The following NEDD4L variants were observed in gnomAD, a reference collection of about 807,000 sequenced individuals.
NEDD4L encodes NEDD4 like E3 ubiquitin protein ligase.
Under a neutral mutation model 148.9 loss-of-function variants are expected in NEDD4L, and 54 were observed. The ratio of observed to expected loss-of-function variants is 0.36; its 90% CI spans 0.29 to 0.45. The LOEUF (loss-of-function observed/expected upper bound fraction) is 0.45, where lower values mean the gene tolerates loss of function less well. NEDD4L is among the 20% of genes least tolerant of loss of function. NEDD4L has a pLI of 1.00. For missense variants in NEDD4L, 856 were observed against 1,233.8 expected (o/e 0.69, Z 4.59); for synonymous variants, 433 against 440.7 (o/e 0.98, Z 0.22).
intron 1 of NEDD4L, among the ~76,000 whole-genome samples, chr18:58,083,365 C>G (rs1011341464): frequency 2.0e-5 from 3 of 152,070 alleles, no homozygotes; most frequent in Non-Finnish European, 4.4e-5. Flanking sequence ...GGAAGTAAGA[C>G]TTTAAATTTA....
At chr18:58,070,813 G>A (rs1050469658) in intron 1 of NEDD4L, among the ~76,000 whole-genome samples, 5 of 131,680 alleles carry the variant, frequency 3.8e-5, no homozygotes, top group Non-Finnish European at 7.7e-5. Context: ...ACTAAACTAA[G>A]AGTCTTCAGT....
At chr18:58,209,108 A>G (rs901361954) in intron 2 of NEDD4L, among the ~76,000 whole-genome samples, 2 of 150,870 alleles carry the variant, frequency 1.3e-5, no homozygotes, top group Non-Finnish European at 3.0e-5. Flanking sequence ...GAAAGATAAT[A>G]GATAAGAGAT....
At chr18:58,100,031 A>G (rs1599267504) in intron 1 of NEDD4L, among the ~76,000 whole-genome samples, 1 of 152,098 alleles carries the variant, frequency 6.6e-6, no homozygotes, top group South Asian at 2.1e-4. Context: ...GATTTCAAGG[A>G]CTCCTGAAGC....
At chr18:58,284,043 A>G (rs957695946) in intron 5 of NEDD4L, among the ~76,000 whole-genome samples, 3 of 152,222 alleles carry the variant, frequency 2.0e-5, no homozygotes, top group African/African-American at 7.2e-5. Context: ...AGGGGAGACC[A>G]TGGAATCTCC....
chr18:58,349,601 T>G lies in NEDD4L; in HGVS notation c.1640T>G (p.Leu547Arg). ...RSKTSLNPND[L>R]GPLPPGWEER... ...AAGACATCTTTAAACCCCAATGACCTTGGCCCCCTTCCTGTGAGTACACTG... is the reference window on the plus strand; with the variant it reads ...AAGACATCTTTAAACCCCAATGACCGTGGCCCCCTTCCTGTGAGTACACTG... Residue 547 changes from leucine (L) to arginine (R), a missense_variant, in exon 17 of 31, where the codon CTT (leucine) becomes CGT (arginine). By Grantham distance (102) the Leu-to-Arg change is moderately radical. Coordinates refer to ENST00000400345, the MANE Select transcript of NEDD4L (RefSeq NM_001144967.3). The G allele has an allele frequency of 6.2e-7, 1 of 1,613,734 alleles. No homozygotes were observed. The highest frequency in any genetic ancestry group is 8.5e-7 in the Non-Finnish European group (1 of 1,179,616).
intron 1 of NEDD4L, among the ~76,000 whole-genome samples, chr18:58,109,577 T>TTG (rs2085292618): frequency 6.8e-6 from 1 of 147,598 alleles, no homozygotes; most frequent in Non-Finnish European, 1.5e-5. Flanking sequence ...TTTTTGTTTT[T>TTG]TTTTTTTTTT....
At chr18:58,136,133 G>A (rs1283633691) in intron 1 of NEDD4L, among the ~76,000 whole-genome samples, 1 of 152,092 alleles carries the variant, frequency 6.6e-6, no homozygotes, top group African/African-American at 2.4e-5. Context: ...CATGCTGAGG[G>A]TGTTTCATGT....
chr18:58,106,452 C>T (rs937067089), intron 1 of NEDD4L, among the ~76,000 whole-genome samples: 5 of 152,146 alleles, frequency 3.3e-5, no homozygotes, highest in Non-Finnish European at 2.9e-5. Flanking sequence ...GAGAGTCTCC[C>T]GAGTGCTAGG....
chr18:58,154,509 G>T (rs2035208659), intron 1 of NEDD4L, among the ~76,000 whole-genome samples: 1 of 152,132 alleles, frequency 6.6e-6, no homozygotes, highest in Non-Finnish European at 1.5e-5. Context: ...TATTTGGCTG[G>T]GTGTGATGGC....
intron 1 of NEDD4L, among the ~76,000 whole-genome samples, chr18:58,063,027 C>G (rs1293707917): frequency 8.0e-6 from 1 of 125,598 alleles, no homozygotes; most frequent in Non-Finnish European, 1.7e-5. Context: ...TCGATAATTT[C>G]ATTTATTTGT....
intron 1 of NEDD4L, among the ~76,000 whole-genome samples, chr18:58,068,141 A>G (rs1251030008): frequency 2.6e-5 from 4 of 151,508 alleles, no homozygotes; most frequent in Admixed American, 6.6e-5. Context: ...TTTTTCTTAA[A>G]GATGAGGTAT....
intron 2 of NEDD4L, among the ~76,000 whole-genome samples, chr18:58,209,529 A>G (rs2586982): frequency 0.43 from 44,111 of 102,638 alleles, 10,351 homozygotes; most frequent in African/African-American, 0.63. Flanking sequence ...TAGTTCCATT[A>G]CTTACTTGCC....
chr18:58,193,394 A>G (rs2040325055), intron 2 of NEDD4L, among the ~76,000 whole-genome samples: 1 of 152,188 alleles, frequency 6.6e-6, no homozygotes, highest in Non-Finnish European at 1.5e-5. Flanking sequence ...CATACTGCAA[A>G]CAGATGCCAC....
At chr18:58,236,214 A>C (rs947761615) in intron 2 of NEDD4L, among the ~76,000 whole-genome samples, 8 of 147,358 alleles carry the variant, frequency 5.4e-5, no homozygotes, top group African/African-American at 2.0e-4. Context: ...AAAATTAGCC[A>C]GGCATGGTGG....
intron 13 of NEDD4L, among the ~76,000 whole-genome samples, chr18:58,340,177 G>T (rs2042248690): frequency 6.6e-6 from 1 of 152,134 alleles, no homozygotes; most frequent in African/African-American, 2.4e-5. Flanking sequence ...CTGATCTCCA[G>T]CATCTGTCCC....
intron 1 of NEDD4L, among the ~76,000 whole-genome samples, chr18:58,145,796 C>T (rs781551908): frequency 2.6e-5 from 4 of 152,228 alleles, no homozygotes; most frequent in Non-Finnish European, 4.4e-5. Context: ...CATCAATTTC[C>T]AGTCCTCCTT....
chr18:58,139,232 G>A (rs1283982469), intron 1 of NEDD4L, among the ~76,000 whole-genome samples: 2 of 152,122 alleles, frequency 1.3e-5, no homozygotes, highest in Non-Finnish European at 2.9e-5. Context: ...GGACTTGGGA[G>A]GAGAGGATAA....
chr18:58,239,110 CTT>C (rs1443854339), intron 2 of NEDD4L, among the ~76,000 whole-genome samples: 1 of 152,188 alleles, frequency 6.6e-6, no homozygotes, highest in African/African-American at 2.4e-5. Context: ...TGCAATGCAA[CTT>C]TCTGTGGGTT....
chr18:58,364,412 G>A, intron 20 of NEDD4L, 79 bp downstream of exon 20: 2 of 832,170 alleles, frequency 2.4e-6, no homozygotes, highest in Non-Finnish European at 3.8e-6. Context: ...AGAACAACTT[G>A]GTTGTTACTT....
Sources: allele counts gnomAD v4.1 joint callset (sites outside exome capture counted in the v4.1 genomes callset), GRCh38; gene constraint gnomAD v4.1.1; transcripts MANE v1.5; gene names NCBI Gene and HGNC (gene_info 2026-07-23, HGNC 2026-07-21).